The following CNTNAP4 variants were observed in gnomAD, a reference collection of about 807,000 sequenced individuals.
The protein encoded by CNTNAP4 is contactin-associated protein-like 4.
Under a neutral mutation model 148.4 loss-of-function variants are expected in CNTNAP4, and 98 were observed. The observed-to-expected ratio is 0.66, with a 90% CI of 0.56 to 0.78. The LOEUF is 0.78. Ranked by LOEUF, CNTNAP4 falls within the 30% of genes least tolerant of loss-of-function variation. The pLI, the probability that CNTNAP4 is intolerant of heterozygous loss-of-function variation, is 0.00. For synonymous variants in CNTNAP4, 730 were observed against 565.1 expected, an observed-to-expected ratio of 1.29 and a Z score of -4.14; for missense variants, 1,935 against 1,565.6, an observed-to-expected ratio of 1.24 and a Z score of -3.98.
chr16:76,414,960 T>G (rs1214270667), intron 3 of CNTNAP4, among the ~76,000 whole-genome samples: 2 of 51,044 alleles, frequency 3.9e-5, no homozygotes, highest in Non-Finnish European at 8.5e-5. Flanking sequence ...CCAACTTGTG[T>G]TTTTTTTCCC....
At chr16:76,500,271 G>T (rs1222093131) in intron 15 of CNTNAP4, among the ~76,000 whole-genome samples, 1 of 152,204 alleles carries the variant, frequency 6.6e-6, no homozygotes, top group African/African-American at 2.4e-5. Flanking sequence ...CCGGGCGGGG[G>T]CTGTATTGTG....
intron 17 of CNTNAP4, among the ~76,000 whole-genome samples, chr16:76,526,865 G>C (rs2083755479): frequency 6.6e-6 from 1 of 151,952 alleles, no homozygotes; most frequent in Non-Finnish European, 1.5e-5. Context: ...ATAGAAACAG[G>C]GTTTTGATAT....
At chr16:76,379,146 AACTGAATCCGAGTCCT>A (rs1459643950) in intron 3 of CNTNAP4, among the ~76,000 whole-genome samples, 1 of 152,186 alleles carries the variant, frequency 6.6e-6, no homozygotes, top group Non-Finnish European at 1.5e-5. Context: ...CATAGGGTCT[AACTGAATCCGAGTCCT>A]ACTTTCTGGT....
rs751278677 is a variant in CNTNAP4 at position 76,498,640 on chromosome 16, C to T, written c.2311C>T (p.Arg771Ter). 15 of 1,612,506 alleles carry T rather than the reference C, an allele frequency of 9.3e-6. No homozygotes were observed. The highest frequency in any genetic ancestry group is 3.3e-5 in the Admixed American group (2 of 59,864). Residue 771 changes from arginine to a stop codon, truncating the protein, a stop_gained, in exon 15 of 24, where the codon CGA becomes TGA. Transcript: ENST00000611870. LOFTEE classifies it high-confidence loss of function. Reference sequence around the variant, plus strand: ...TAAGATCGTGATTACAGACACAGGCCGACTGCATTCAGAAGCAGCTTATAA... The same window carrying T: ...TAAGATCGTGATTACAGACACAGGCTGACTGCATTCAGAAGCAGCTTATAA... ...VTKIVITDTG[R>*]LHSEAAYKLG... is the part of the protein sequence containing the mutation.
intron 1 of CNTNAP4, among the ~76,000 whole-genome samples, chr16:76,313,113 A>G (rs1286071498): frequency 6.6e-6 from 1 of 152,142 alleles, no homozygotes; most frequent in Non-Finnish European, 1.5e-5. Flanking sequence ...CCACGAATGT[A>G]AAAAGTTCCC....
At chr16:76,284,759 G>A (rs995308049) in intron 1 of CNTNAP4, among the ~76,000 whole-genome samples, 1 of 151,934 alleles carries the variant, frequency 6.6e-6, no homozygotes, top group African/African-American at 2.4e-5. Context: ...AAATATGCAT[G>A]CCTGTATGTG....
At chr16:76,283,376 A>G (rs2143758078) in intron 1 of CNTNAP4, among the ~76,000 whole-genome samples, 1 of 152,040 alleles carries the variant, frequency 6.6e-6, no homozygotes, top group East Asian at 1.9e-4. Context: ...TCATTGCAGC[A>G]CTCTTTACAA....
intron 3 of CNTNAP4, among the ~76,000 whole-genome samples, chr16:76,397,515 A>G (rs1182636944): frequency 3.9e-5 from 6 of 151,996 alleles, no homozygotes; most frequent in Non-Finnish European, 8.8e-5. Context: ...CACATCAGAT[A>G]CGCAGTGGGT....
chr16:76,294,336 T>A (rs1239910370), intron 1 of CNTNAP4, among the ~76,000 whole-genome samples: 2 of 152,182 alleles, frequency 1.3e-5, no homozygotes, highest in Non-Finnish European at 2.9e-5. Context: ...TTCCTCTCAT[T>A]TCTCTTAAAA....
chr16:76,284,751 A>G (rs1290837084), intron 1 of CNTNAP4, among the ~76,000 whole-genome samples: 1 of 152,018 alleles, frequency 6.6e-6, no homozygotes, highest in African/African-American at 2.4e-5. Context: ...TTGCAATTAA[A>G]TATGCATGCC....
chr16:76,466,026 G>C (rs1344082125), intron 9 of CNTNAP4, among the ~76,000 whole-genome samples: 2 of 152,120 alleles, frequency 1.3e-5, no homozygotes, highest in African/African-American at 4.8e-5. Flanking sequence ...AGAAGTTGCT[G>C]ACTCACTTCT....
chr16:76,339,619 G>T (rs948648027), intron 2 of CNTNAP4, among the ~76,000 whole-genome samples: 1 of 152,134 alleles, frequency 6.6e-6, no homozygotes, highest in Non-Finnish European at 1.5e-5. Flanking sequence ...CATTACAAAG[G>T]TCTGTCATTT....
chr16:76,415,282 A>G (rs1009868693), intron 3 of CNTNAP4, among the ~76,000 whole-genome samples: 6 of 151,246 alleles, frequency 4.0e-5, no homozygotes, highest in African/African-American at 1.5e-4. Context: ...ATTTTAAAAC[A>G]TATTTAATAT....
chr16:76,449,728 G>A lies in CNTNAP4; in HGVS notation c.941G>A (p.Gly314Glu), dbSNP rs1317808973. The A allele has an allele frequency of 1.3e-6, 2 of 1,588,068 alleles. No homozygotes were observed. The highest frequency in any genetic ancestry group is 1.8e-5 in the Admixed American group (1 of 56,150). The change falls in exon 7 of 24, where the codon GGG (glycine) becomes GAG (glutamate). Residue 314 changes from glycine (G) to glutamate (E), a missense_variant. Coordinates refer to ENST00000611870, the MANE Select transcript of CNTNAP4 (RefSeq NM_033401.5). ...TTTCTTTCTAAGATCAGCTTTGGAG[G>A]GATTCCAGCACCTGGAAAATCAGTG... ...MNLDYEISFG[G>E]IPAPGKSVSF...
chr16:76,547,972 G>A (rs2084805457), intron 21 of CNTNAP4, among the ~76,000 whole-genome samples: 1 of 152,142 alleles, frequency 6.6e-6, no homozygotes. Flanking sequence ...TGTGATTTTT[G>A]CAAACATCTT....
At chr16:76,442,489 G>A (rs2143040120) in intron 4 of CNTNAP4, among the ~76,000 whole-genome samples, 1 of 152,182 alleles carries the variant, frequency 6.6e-6, no homozygotes, top group Middle Eastern at 3.4e-3. Flanking sequence ...GGTTTATTTA[G>A]CTTATGGTTC....
At chr16:76,377,680 C>T in intron 3 of CNTNAP4, among the ~76,000 whole-genome samples, 1 of 152,144 alleles carries the variant, frequency 6.6e-6, no homozygotes, top group Non-Finnish European at 1.5e-5. Context: ...TTTGCTATCA[C>T]CAGCTGACAC....
chr16:76,457,073 G>C (rs1384415462), intron 8 of CNTNAP4, among the ~76,000 whole-genome samples: 1 of 152,150 alleles, frequency 6.6e-6, no homozygotes, highest in East Asian at 1.9e-4. Flanking sequence ...TGGTGGGACT[G>C]GGTGCATAGA....
intron 23 of CNTNAP4, among the ~76,000 whole-genome samples, chr16:76,555,079 G>T (rs1385015270): frequency 6.6e-6 from 1 of 152,016 alleles, no homozygotes; most frequent in East Asian, 1.9e-4. Flanking sequence ...TATTCAGAGT[G>T]TAAAGAAAGG....
Sources: allele counts gnomAD v4.1 joint callset (sites outside exome capture counted in the v4.1 genomes callset), GRCh38; gene constraint gnomAD v4.1.1; transcripts MANE v1.5; gene names NCBI Gene and HGNC (gene_info 2026-07-23, HGNC 2026-07-21).